Variants in HMGB1 observed in about 807,000 individuals in gnomAD.
HMGB1 encodes the protein high mobility group protein B1.
For synonymous variants in HMGB1, 81 were observed against 84.0 expected (o/e 0.96, Z 0.19); for missense variants, 79 against 253.5 (o/e 0.31, Z 4.67).
At chr13:30,518,579 A>G (rs991065241) in intron 1 of HMGB1, among the ~76,000 whole-genome samples, 11 of 152,172 alleles carry the variant, frequency 7.2e-5, no homozygotes, top group Non-Finnish European at 1.5e-4. Flanking sequence ...AAATAGGAGA[A>G]ATTGTATTAT....
At chr13:30,558,696 G>A (rs1869801331) in intron 1 of HMGB1, among the ~76,000 whole-genome samples, 2 of 152,136 alleles carry the variant, frequency 1.3e-5, no homozygotes, top group South Asian at 4.1e-4. Context: ...AGCCATTCAA[G>A]TGTCCCCCAG....
rs1457027618 is a variant in HMGB1, at chr13:30,538,671, TCTTTCTTTCTTTC to T, written c.-14-74990_-14-74978del. Among the ~76,000 whole-genome samples the T allele has an allele frequency of 2.7e-3, 69 of 25,678 alleles. 1 individual carries two copies. Among genetic ancestry groups the T allele is most frequent in the Middle Eastern group, 0.014 (1 of 74 alleles). 16.8% of individuals were successfully genotyped at this position (25,678 alleles called of 152,430 possible). ...TCTTTCTTTCTTTCTTTCCTTTCTTTCTTTCTTTCTTTCCTTTCTTTCTTTCTTTCTTTTTCTT... is the reference window on the plus strand; with the variant it reads ...TCTTTCTTTCTTTCTTTCCTTTCTTTCTTTCTTTCTTTCTTTCTTTTTCTT... On this transcript the variant is annotated intron_variant, in intron 1 of 4. Transcript: ENST00000405805.
At chr13:30,553,928 A>G in intron 1 of HMGB1, 1 of 1,441,236 alleles carries the variant, frequency 6.9e-7, no homozygotes, top group Non-Finnish European at 9.7e-7. Flanking sequence ...ACATCTTAAC[A>G]CCGGGTCCAC....
At chr13:30,482,005 T>G (rs1488040291) in intron 1 of HMGB1, among the ~76,000 whole-genome samples, 1 of 152,162 alleles carries the variant, frequency 6.6e-6, no homozygotes, top group Non-Finnish European at 1.5e-5. Context: ...AATTTTTGTA[T>G]TTTTAGTAGA....
Position 30,457,913 on chromosome 13 carries a change from A to T in HMGB1, c.*3444T>A, listed in dbSNP as rs919886838. 6.6e-6 allele frequency: 1 copy of T among 152,224 alleles called. No individual in the cohort carries two copies. The highest frequency in any genetic ancestry group is 2.4e-5 in the African/African-American group (1 of 41,460). 9.4% of individuals were successfully genotyped at this position (152,224 alleles called of 1,614,324 possible). On this transcript the variant is annotated 3_prime_UTR_variant, in exon 5 of 5. Coordinates refer to ENST00000341423, the MANE Select transcript of HMGB1 (RefSeq NM_002128.7). ...ACCATCTTTTGCTGGATAGACAATCAAATCACTTTCTGGCTTTTATCTACT... is the reference window on the plus strand; with the variant it reads ...ACCATCTTTTGCTGGATAGACAATCTAATCACTTTCTGGCTTTTATCTACT...
intron 1 of HMGB1, among the ~76,000 whole-genome samples, chr13:30,564,081 A>AG (rs1357592342): frequency 6.6e-6 from 1 of 152,088 alleles, no homozygotes; most frequent in African/African-American, 2.4e-5. Flanking sequence ...CAATATTAAA[A>AG]GGTGATATAT....
chr13:30,524,436 C>G (rs1260777887), intron 1 of HMGB1, among the ~76,000 whole-genome samples: 3 of 151,068 alleles, frequency 2.0e-5, no homozygotes, highest in South Asian at 2.1e-4. Context: ...AGGAAGACTT[C>G]AGGAAACTTA....
intron 1 of HMGB1, chr13:30,554,339 G>A: frequency 1.1e-6 from 1 of 895,338 alleles, no homozygotes; most frequent in Non-Finnish European, 1.9e-6. Flanking sequence ...TGGGTGCACG[G>A]GCACCTTCTC....
intron 1 of HMGB1, among the ~76,000 whole-genome samples, chr13:30,592,867 T>G (rs1208823987): frequency 6.7e-6 from 1 of 149,732 alleles, no homozygotes; most frequent in Non-Finnish European, 1.5e-5. Context: ...TTAGTGCTTT[T>G]TTTTAAAAAA....
At chr13:30,549,335 T>C (rs1869311796) in intron 1 of HMGB1, among the ~76,000 whole-genome samples, 1 of 152,132 alleles carries the variant, frequency 6.6e-6, no homozygotes, top group African/African-American at 2.4e-5. Flanking sequence ...ATCTCTGTAT[T>C]TGACAGATTC....
At chr13:30,606,841 T>C (rs1566038978) in intron 1 of HMGB1, among the ~76,000 whole-genome samples, 2 of 152,248 alleles carry the variant, frequency 1.3e-5, no homozygotes, top group South Asian at 2.1e-4. Flanking sequence ...AAACATCTTC[T>C]GCCACAATCT....
At chr13:30,478,994 A>C (rs1047400646) in intron 1 of HMGB1, among the ~76,000 whole-genome samples, 1 of 151,130 alleles carries the variant, frequency 6.6e-6, no homozygotes, top group Admixed American at 6.6e-5. Flanking sequence ...TCAGCCTCCC[A>C]AATAGCTGGG....
chr13:30,505,234 A>G (rs1489756763), intron 1 of HMGB1, among the ~76,000 whole-genome samples: 3 of 152,038 alleles, frequency 2.0e-5, no homozygotes, highest in African/African-American at 7.2e-5. Context: ...GCTGGAGTAC[A>G]GTGGCGCCAT....
intron 1 of HMGB1, among the ~76,000 whole-genome samples, chr13:30,585,560 C>G (rs1049409001): frequency 6.6e-6 from 1 of 151,898 alleles, no homozygotes; most frequent in African/African-American, 2.4e-5. Flanking sequence ...TGCCTGTAAT[C>G]CCAGCTACTC....
At chr13:30,580,716 A>G (rs1446553174) in intron 1 of HMGB1, among the ~76,000 whole-genome samples, 1 of 152,244 alleles carries the variant, frequency 6.6e-6, no homozygotes, top group Non-Finnish European at 1.5e-5. Context: ...CTTGCACGTA[A>G]CAGACATTTA....
At chr13:30,553,654 C>A in intron 1 of HMGB1, 1 of 702,784 alleles carries the variant, frequency 1.4e-6, no homozygotes, top group South Asian at 1.5e-5. Context: ...TCTTAAGATT[C>A]ACTATTTGTC....
intron 1 of HMGB1, among the ~76,000 whole-genome samples, chr13:30,473,471 A>T (rs560833292): frequency 2.0e-5 from 3 of 152,342 alleles, no homozygotes; most frequent in Admixed American, 6.5e-5. Flanking sequence ...AGATCCCTAT[A>T]TTAGGTCTTG....
chr13:30,588,091 A>G (rs1282496700), intron 1 of HMGB1, among the ~76,000 whole-genome samples: 1 of 152,232 alleles, frequency 6.6e-6, no homozygotes, highest in Non-Finnish European at 1.5e-5. Context: ...AGAAACAAAC[A>G]TTTATTGAAG....
At chr13:30,546,102 G>T (rs1237000284) in intron 1 of HMGB1, among the ~76,000 whole-genome samples, 1 of 152,040 alleles carries the variant, frequency 6.6e-6, no homozygotes, top group Non-Finnish European at 1.5e-5. Flanking sequence ...CACACTGCTG[G>T]AGACTAAACC....
Sources: allele counts gnomAD v4.1 joint callset (sites outside exome capture counted in the v4.1 genomes callset), GRCh38; gene constraint gnomAD v4.1.1; transcripts MANE v1.5; gene names NCBI Gene and HGNC (gene_info 2026-07-23, HGNC 2026-07-21).